The following ABCG2 variants were observed in gnomAD, a reference collection of about 807,000 sequenced individuals.
ABCG2 encodes the protein broad substrate specificity ATP-binding cassette transporter ABCG2.
ABCG2 carries 80 observed loss-of-function variants against 73.5 expected under a neutral mutation model. The ratio of observed to expected loss-of-function variants is 1.09; its 90% CI spans 0.91 to 1.31. ABCG2 has a LOEUF of 1.31. ABCG2 is among the 50% of genes most tolerant of loss of function. The pLI is 0.00. For synonymous variants in ABCG2, 269 were observed against 282.4 expected (o/e 0.95, Z 0.48); for missense variants, 796 against 786.2 (o/e 1.01, Z -0.15).
chr4:88,122,975 C>T (rs1296276493), intron 5 of ABCG2, among the ~76,000 whole-genome samples: 1 of 152,146 alleles, frequency 6.6e-6, no homozygotes, highest in Admixed American at 6.5e-5. Context: ...AAAAAACAGG[C>T]AGCAATCTTT....
At chr4:88,154,331 G>A (rs1429663413) in intron 1 of ABCG2, among the ~76,000 whole-genome samples, 1 of 152,188 alleles carries the variant, frequency 6.6e-6, no homozygotes, top group Non-Finnish European at 1.5e-5. Flanking sequence ...TAATGATAGA[G>A]GACCCTTGTG....
At chr4:88,131,315 T>G (rs1724859065) in intron 4 of ABCG2, 102 bp from the exon 5 acceptor site, 1 of 1,250,730 alleles carries the variant, frequency 8.0e-7, no homozygotes, top group Non-Finnish European at 1.1e-6. Flanking sequence ...ATAACATAAC[T>G]AAGGTAAAGT....
intron 1 of ABCG2, among the ~76,000 whole-genome samples, chr4:88,152,547 G>C (rs113506120): frequency 0.04 from 6,091 of 152,170 alleles, 180 homozygotes; most frequent in Middle Eastern, 0.14. Flanking sequence ...GGGAGCTTTT[G>C]AGCCAGAATG....
intron 1 of ABCG2, among the ~76,000 whole-genome samples, chr4:88,207,303 A>G (rs951476429): frequency 2.0e-5 from 3 of 151,962 alleles, no homozygotes; most frequent in African/African-American, 7.3e-5. Context: ...CTACTTACTG[A>G]TTTTTTTTAA....
chr4:88,221,509 G>A (rs1000570862), intron 1 of ABCG2, among the ~76,000 whole-genome samples: 9 of 152,138 alleles, frequency 5.9e-5, no homozygotes, highest in African/African-American at 1.4e-4. Context: ...AGATTTGGAC[G>A]GCTTAGAAGA....
chr4:88,211,653 G>A (rs772889339), intron 1 of ABCG2, among the ~76,000 whole-genome samples: 1 of 152,082 alleles, frequency 6.6e-6, no homozygotes, highest in East Asian at 1.9e-4. Context: ...TCCTGACCAC[G>A]TGATCCGCTT....
intron 1 of ABCG2, among the ~76,000 whole-genome samples, chr4:88,185,196 C>G (rs1268344038): frequency 6.6e-6 from 1 of 152,136 alleles, no homozygotes; most frequent in Non-Finnish European, 1.5e-5. Context: ...AACCCTATCT[C>G]TGCTAAAAAT....
chr4:88,147,418 T>A (rs1397335557), intron 1 of ABCG2, among the ~76,000 whole-genome samples: 2 of 152,254 alleles, frequency 1.3e-5, no homozygotes, highest in Non-Finnish European at 2.9e-5. Flanking sequence ...TTCTTCATGC[T>A]CTTTGCCCTT....
rs543220899 is a variant in ABCG2, at chr4:88,184,787, C to T, written c.-19-44773G>A. Among the ~76,000 whole-genome samples, 8 of 152,280 alleles carry T rather than the reference C, an allele frequency of 5.3e-5. No individual in the cohort carries two copies. In the South Asian group the frequency reaches 1.7e-3, roughly 32 times the overall value. ...AACAAAACTAGAAAAAACACATTACCTGACATCAAATTATAGTACAGAGCT... is the reference window on the plus strand; with the variant it reads ...AACAAAACTAGAAAAAACACATTACTTGACATCAAATTATAGTACAGAGCT... On this transcript the variant is annotated intron_variant, in intron 1 of 15. Transcript: ENST00000515655.
upstream of ABCG2, chr4:88,158,712 TC>T (rs1218345642): frequency 2.3e-6 from 1 of 442,946 alleles, no homozygotes; most frequent in Non-Finnish European, 4.5e-6. Flanking sequence ...CACAACCCCT[TC>T]CCCCAACCAC....
At chr4:88,120,949 T>C (rs1363317465) in intron 6 of ABCG2, among the ~76,000 whole-genome samples, 1 of 152,198 alleles carries the variant, frequency 6.6e-6, no homozygotes, top group Non-Finnish European at 1.5e-5. Flanking sequence ...ATAATTATAA[T>C]AACAATACAC....
In ABCG2 at chr4:88,167,084, G is replaced by A. The variant is rs1269225440; in HGVS notation, c.-19-27070C>T. Among the ~76,000 whole-genome samples, 4 of 152,076 alleles carry A rather than the reference G, an allele frequency of 2.6e-5. No individual in the cohort carries two copies. In the East Asian group the frequency reaches 7.7e-4, roughly 29 times the overall value. Reference sequence around the variant, plus strand: ...CCAATTGTGGAGGTCAGAAGTCTAGGCTAGGTTAGGCTTTGCTCAGGGTAT... The same window carrying A: ...CCAATTGTGGAGGTCAGAAGTCTAGACTAGGTTAGGCTTTGCTCAGGGTAT... On this transcript the variant is annotated intron_variant, in intron 1 of 15. Transcript: ENST00000515655.
chr4:88,154,815 A>G (rs564467148), intron 1 of ABCG2, among the ~76,000 whole-genome samples: 1 of 152,328 alleles, frequency 6.6e-6, no homozygotes, highest in East Asian at 1.9e-4. Flanking sequence ...TGTGAGGAAG[A>G]AAATAGATTT....
intron 15 of ABCG2, among the ~76,000 whole-genome samples, chr4:88,092,927 A>G (rs961850501): frequency 3.9e-5 from 6 of 152,194 alleles, no homozygotes; most frequent in Middle Eastern, 3.2e-3. Flanking sequence ...AGAGGTGTGC[A>G]TGGGTTTCCT....
chr4:88,155,161 CT>C (rs1374153728), intron 1 of ABCG2, among the ~76,000 whole-genome samples: 1 of 152,032 alleles, frequency 6.6e-6, no homozygotes, highest in Non-Finnish European at 1.5e-5. Flanking sequence ...GCTAGGTTTC[CT>C]TTTGTGAGTT....
chr4:88,131,121 T>G lies in ABCG2; in HGVS notation c.471A>C (p.Lys157Asn), dbSNP rs1345272777. ...RLATTMTNHE[K>N]NERINRVIQE... Reference sequence around the variant, plus strand: ...GAATGACCCTGTTAATCCGTTCGTTTTTTTCATGATTCGTCATAGTTGTTG... The same window carrying G: ...GAATGACCCTGTTAATCCGTTCGTTGTTTTCATGATTCGTCATAGTTGTTG... Residue 157 changes from lysine to asparagine, a missense_variant, in exon 5 of 16, where the codon AAA becomes AAC. Coordinates refer to ENST00000237612, the MANE Select transcript of ABCG2 (RefSeq NM_004827.3). 3 of 1,614,064 alleles carry G rather than the reference T, an allele frequency of 1.9e-6. No homozygotes were observed. The East Asian group carries it at 6.7e-5, about 36-fold the overall frequency.
At position 88,131,798 on chromosome 4, in the gene ABCG2, C is replaced by T. The variant is rs527531410; in HGVS notation, c.378+5G>A. On this transcript the variant is annotated splice_donor_5th_base_variant and intron_variant, in intron 4 of 15. Coordinates refer to ENST00000237612, the MANE Select transcript of ABCG2 (RefSeq NM_004827.3). ...AACAGAAAATGCAAACCCACTAATA[C>T]TTACTTGTACCACGTAACCTGAATT... 6.2e-7 allele frequency: 1 copy of T among 1,609,730 alleles called. No homozygotes were observed. Among genetic ancestry groups the T allele is most frequent in the South Asian group, 1.1e-5 (1 of 90,810 alleles).
At chr4:88,211,367 C>G (rs1178410872) in intron 1 of ABCG2, among the ~76,000 whole-genome samples, 3 of 127,468 alleles carry the variant, frequency 2.4e-5, no homozygotes, top group African/African-American at 8.3e-5. Context: ...TGCCCCACCC[C>G]CCCCCACTTT....
At chr4:88,174,479 G>A (rs1443970413) in intron 1 of ABCG2, among the ~76,000 whole-genome samples, 1 of 152,092 alleles carries the variant, frequency 6.6e-6, no homozygotes. Flanking sequence ...CTTCATCCAT[G>A]TCCCTCCAAA....
Sources: gnomAD v4.1 joint callset for allele counts (sites outside exome capture counted in the v4.1 genomes callset) on GRCh38, gnomAD v4.1.1 for gene constraint, MANE v1.5 for transcripts, NCBI Gene and HGNC (gene_info 2026-07-23, HGNC 2026-07-21) for gene names.